DLG2: variants seen among roughly 807,000 people sequenced by gnomAD.
DLG2 encodes the protein disks large homolog 2.
Under a neutral mutation model 132.5 loss-of-function variants are expected in DLG2, and 45 were observed. The observed-to-expected ratio is 0.34, with a 90% CI of 0.27 to 0.44. The LOEUF is 0.44. DLG2 is among the 20% of genes least tolerant of loss of function. DLG2 has a pLI of 1.00. For missense variants in DLG2, 1,045 were observed against 1,196.9 expected (o/e 0.87, Z 1.87); for synonymous variants, 424 against 419.6 (o/e 1.01, Z -0.13).
At chr11:85,053,307 G>T (rs1238688033) in intron 6 of DLG2, among the ~76,000 whole-genome samples, 1 of 152,072 alleles carries the variant, frequency 6.6e-6, no homozygotes, top group Non-Finnish European at 1.5e-5. Context: ...TGTAGTGTGG[G>T]GTCTGCCAAC....
intron 7 of DLG2, among the ~76,000 whole-genome samples, chr11:84,422,982 G>A (rs2098955470): frequency 6.6e-6 from 1 of 152,088 alleles, no homozygotes; most frequent in Non-Finnish European, 1.5e-5. Context: ...AGTAGTAATG[G>A]AAGTTGAAAG....
At chr11:85,256,869 T>C (rs2076697466) in intron 4 of DLG2, among the ~76,000 whole-genome samples, 1 of 150,740 alleles carries the variant, frequency 6.6e-6, no homozygotes, top group African/African-American at 2.5e-5. Flanking sequence ...CAAGAGATAA[T>C]TAATCAGAAA....
chr11:84,790,799 C>T (rs755514771), intron 6 of DLG2, among the ~76,000 whole-genome samples: 1 of 152,182 alleles, frequency 6.6e-6, no homozygotes, highest in African/African-American at 2.4e-5. Context: ...TATTCTTTTG[C>T]ATATGGATAT....
chr11:83,640,931 G>A (rs1419751096), intron 18 of DLG2, among the ~76,000 whole-genome samples: 1 of 152,138 alleles, frequency 6.6e-6, no homozygotes, highest in Non-Finnish European at 1.5e-5. Context: ...AGAGTTTCTG[G>A]ATTTGAGTCC....
intron 7 of DLG2, among the ~76,000 whole-genome samples, chr11:84,388,972 C>T (rs2098782244): frequency 6.6e-6 from 1 of 152,090 alleles, no homozygotes; most frequent in African/African-American, 2.4e-5. Flanking sequence ...CTTTCCTCCA[C>T]TAAAGGATAT....
rs188901279 is a variant in DLG2, at chr11:84,811,381, C to T, written c.358-276650G>A. Among the ~76,000 whole-genome samples, 264 of 152,216 alleles carry T rather than the reference C, an allele frequency of 1.7e-3. 3 individuals carry two copies. Among genetic ancestry groups the T allele is most frequent in the African/African-American group, 6.0e-3 (251 of 41,540 alleles). ...CACAGTAGGGGAGTAGGAGAAAGTG[C>T]AATAAGGACCTCAAGTGAGTTTAGG... On this transcript the variant is annotated intron_variant, in intron 6 of 27. Transcript: ENST00000376104.
At chr11:84,743,546 G>A (rs1488279687) in intron 6 of DLG2, among the ~76,000 whole-genome samples, 6 of 152,080 alleles carry the variant, frequency 3.9e-5, no homozygotes, top group African/African-American at 1.4e-4. Context: ...TCTCTCTAAA[G>A]AATTTACACA....
At chr11:85,021,526 A>G in intron 6 of DLG2, 8 of 1,578,712 alleles carry the variant, frequency 5.1e-6, no homozygotes, top group African/African-American at 1.3e-5. Context: ...GGAGTCCACA[A>G]TTTTGCCATA....
At chr11:85,485,288 C>A (rs1299833028) in intron 3 of DLG2, among the ~76,000 whole-genome samples, 1 of 152,062 alleles carries the variant, frequency 6.6e-6, no homozygotes, top group Non-Finnish European at 1.5e-5. Context: ...ACCAGCATGG[C>A]ACATGTATAC....
intron 6 of DLG2, among the ~76,000 whole-genome samples, chr11:84,743,555 C>T (rs2064966033): frequency 6.6e-6 from 1 of 152,096 alleles, no homozygotes; most frequent in Admixed American, 6.5e-5. Flanking sequence ...AGAATTTACA[C>T]ACTAGAGAAG....
chr11:85,145,248 A>G (rs1243512180), intron 5 of DLG2, among the ~76,000 whole-genome samples: 1 of 151,906 alleles, frequency 6.6e-6, no homozygotes, highest in Non-Finnish European at 1.5e-5. Flanking sequence ...TGCTTCATTT[A>G]GGATCCTTTC....
intron 21 of DLG2, among the ~76,000 whole-genome samples, chr11:83,506,737 C>A (rs922210787): frequency 6.6e-6 from 1 of 152,184 alleles, no homozygotes; most frequent in Non-Finnish European, 1.5e-5. Context: ...AATTTACAAA[C>A]TTAGTGTCCC....
At chr11:85,566,064 T>C (rs922114789) in intron 3 of DLG2, among the ~76,000 whole-genome samples, 1 of 152,200 alleles carries the variant, frequency 6.6e-6, no homozygotes, top group Non-Finnish European at 1.5e-5. Flanking sequence ...TGAAGTGATA[T>C]CACTTTGTGC....
intron 6 of DLG2, among the ~76,000 whole-genome samples, chr11:85,078,300 T>C (rs2066808293): frequency 6.6e-6 from 1 of 151,150 alleles, no homozygotes; most frequent in Non-Finnish European, 1.5e-5. Context: ...ATAAGGTTAT[T>C]GAGGAAGGCT....
chr11:83,784,959 G>A (rs1486063984), intron 18 of DLG2, among the ~76,000 whole-genome samples: 1 of 152,144 alleles, frequency 6.6e-6, no homozygotes, highest in African/African-American at 2.4e-5. Context: ...TTAAGAAAAT[G>A]GAAGATTCCG....
chr11:85,137,680 G>T (rs1167593865), intron 5 of DLG2, among the ~76,000 whole-genome samples: 1 of 152,126 alleles, frequency 6.6e-6, no homozygotes, highest in African/African-American at 2.4e-5. Context: ...CAGAAGGAAT[G>T]GACTCCACAT....
At chr11:85,155,509 G>T (rs2077529101) in intron 4 of DLG2, among the ~76,000 whole-genome samples, 1 of 152,034 alleles carries the variant, frequency 6.6e-6, no homozygotes. Flanking sequence ...AGGGATTCGT[G>T]GAACATCTTT....
intron 3 of DLG2, among the ~76,000 whole-genome samples, chr11:85,443,068 T>C (rs2091859746): frequency 6.6e-6 from 1 of 151,936 alleles, no homozygotes; most frequent in South Asian, 2.1e-4. Flanking sequence ...CAATAGAAAA[T>C]AAGATGTGAA....
intron 18 of DLG2, among the ~76,000 whole-genome samples, chr11:83,779,275 C>T (rs1045577139): frequency 6.6e-5 from 10 of 152,006 alleles, no homozygotes; most frequent in African/African-American, 2.2e-4. Context: ...AAGAGAAAAA[C>T]TGTAATATAT....
Sources: allele counts gnomAD v4.1 joint callset (sites outside exome capture counted in the v4.1 genomes callset), GRCh38; gene constraint gnomAD v4.1.1; transcripts MANE v1.5; gene names NCBI Gene and HGNC (gene_info 2026-07-23, HGNC 2026-07-21).